SLC14A2: variants seen among roughly 807,000 people sequenced by gnomAD.
SLC14A2 encodes solute carrier family 14 member 2.
Under a neutral mutation model 104.6 loss-of-function variants are expected in SLC14A2, and 91 were observed. The ratio of observed to expected loss-of-function variants is 0.87; its 90% CI spans 0.73 to 1.04. SLC14A2 has a LOEUF of 1.04. Ranked by LOEUF, SLC14A2 falls within the 50% of genes least tolerant of loss-of-function variation. SLC14A2 has a pLI of 0.00. For missense variants in SLC14A2, 1,189 were observed against 1,156.0 expected (o/e 1.03, Z -0.41); for synonymous variants, 476 against 466.4 (o/e 1.02, Z -0.27).
intron 5 of SLC14A2, chr18:45,634,678 CGAT>C: frequency 2.7e-6 from 1 of 366,444 alleles, no homozygotes; most frequent in East Asian, 7.7e-5. Context: ...GGCAGGTACT[CGAT>C]GAGAGTCAGA....
chr18:45,563,762 G>A lies in SLC14A2; in HGVS notation c.-34-60869G>A, dbSNP rs150962929. On this transcript the variant is annotated intron_variant, in intron 2 of 20. Transcript: ENST00000586448. ...ATAGAGGGAATACAAAGATAATTCC[G>A]TCTATCTTCTAACAAGCTGATCAAA... Among the ~76,000 whole-genome samples, 86 of 152,146 alleles carry A rather than the reference G, an allele frequency of 5.7e-4. No individual in the cohort carries two copies. In the East Asian group the frequency reaches 7.9e-3, roughly 14 times the overall value.
At chr18:45,378,211 G>A (rs2085796064) in intron 1 of SLC14A2, among the ~76,000 whole-genome samples, 3 of 124,662 alleles carry the variant, frequency 2.4e-5, no homozygotes, top group Admixed American at 1.5e-4. Context: ...ATTCTCTGGA[G>A]TATTTAGCAT....
At chr18:45,170,240 C>A in the SLC14A2 span, among the ~76,000 whole-genome samples, 7 of 151,974 alleles carry the variant, frequency 4.6e-5, 1 homozygote, top group Admixed American at 3.3e-4. Context: ...TACAACTTCA[C>A]AGATGAGTGA....
At chr18:45,653,356 G>A (rs1481987533) in intron 10 of SLC14A2, among the ~76,000 whole-genome samples, 1 of 152,064 alleles carries the variant, frequency 6.6e-6, no homozygotes, top group Non-Finnish European at 1.5e-5. Flanking sequence ...CAGTGGGAAG[G>A]GGGCCTTTGA....
intron 11 of SLC14A2, among the ~76,000 whole-genome samples, chr18:45,665,220 G>A (rs1340295550): frequency 1.3e-5 from 2 of 152,138 alleles, no homozygotes; most frequent in African/African-American, 4.8e-5. Flanking sequence ...CATGAGTGCA[G>A]AACGGGGGAA....
chr18:45,415,316 A>G (rs1402131619), intron 1 of SLC14A2, among the ~76,000 whole-genome samples: 1 of 152,078 alleles, frequency 6.6e-6, no homozygotes, highest in Admixed American at 6.6e-5. Context: ...ACGACTGAGC[A>G]CTTCTGTATT....
At chr18:45,395,301 T>C (rs1428932926) in intron 1 of SLC14A2, among the ~76,000 whole-genome samples, 1 of 152,220 alleles carries the variant, frequency 6.6e-6, no homozygotes, top group Non-Finnish European at 1.5e-5. Flanking sequence ...CATTATGTGA[T>C]TCCATTTATA....
At chr18:45,253,902 T>G (rs895106296) in intron 1 of SLC14A2, among the ~76,000 whole-genome samples, 1 of 152,248 alleles carries the variant, frequency 6.6e-6, no homozygotes, top group African/African-American at 2.4e-5. Context: ...TTCTATTCTA[T>G]ATCTAGAAAG....
chr18:45,323,866 C>T (rs2085208668), intron 1 of SLC14A2, among the ~76,000 whole-genome samples: 1 of 152,182 alleles, frequency 6.6e-6, no homozygotes. Flanking sequence ...CACTAACAGA[C>T]ATTGAGAAGT....
At chr18:45,180,156 G>T in the SLC14A2 span, among the ~76,000 whole-genome samples, 1 of 151,904 alleles carries the variant, frequency 6.6e-6, no homozygotes. Context: ...CTGAAAAAGA[G>T]AAAAAAACAA....
At chr18:45,327,320 G>A (rs1440124707) in intron 1 of SLC14A2, among the ~76,000 whole-genome samples, 3 of 152,052 alleles carry the variant, frequency 2.0e-5, no homozygotes, top group Non-Finnish European at 4.4e-5. Context: ...CAATAGCCCA[G>A]TGCTTTTTTG....
intron 1 of SLC14A2, among the ~76,000 whole-genome samples, chr18:45,482,279 T>C (rs2087508743): frequency 6.6e-6 from 1 of 152,214 alleles, no homozygotes; most frequent in Non-Finnish European, 1.5e-5. Context: ...GAGTAAATTA[T>C]GGTACAGACA....
chr18:45,601,336 A>G (rs2044788887), intron 2 of SLC14A2, among the ~76,000 whole-genome samples: 1 of 152,212 alleles, frequency 6.6e-6, no homozygotes. Flanking sequence ...TTTAGTGTCT[A>G]GTGGGAGAAC....
chr18:45,662,515 G>A (rs984200097), intron 10 of SLC14A2, among the ~76,000 whole-genome samples: 1 of 152,140 alleles, frequency 6.6e-6, no homozygotes, highest in Admixed American at 6.6e-5. Context: ...CTGGGGTAGG[G>A]CCTGAGATTC....
chr18:45,585,634 G>A (rs1412738963), intron 2 of SLC14A2, among the ~76,000 whole-genome samples: 3 of 152,164 alleles, frequency 2.0e-5, no homozygotes, highest in Non-Finnish European at 4.4e-5. Context: ...TAGTTCCCCT[G>A]GAGCCCTGAG....
At chr18:45,228,662 T>G (rs561136639) in intron 1 of SLC14A2, among the ~76,000 whole-genome samples, 1 of 152,274 alleles carries the variant, frequency 6.6e-6, no homozygotes, top group East Asian at 1.9e-4. Flanking sequence ...GCAGGGAAAC[T>G]AAAAGTTTAG....
At chr18:45,349,778 G>A (rs1231146372) in intron 1 of SLC14A2, among the ~76,000 whole-genome samples, 3 of 152,188 alleles carry the variant, frequency 2.0e-5, no homozygotes, top group Admixed American at 6.5e-5. Flanking sequence ...GAAGTGGAAC[G>A]TAGATGAAGA....
chr18:45,619,602 A>G (rs1363193246), intron 1 of SLC14A2, among the ~76,000 whole-genome samples: 2 of 152,078 alleles, frequency 1.3e-5, no homozygotes, highest in Non-Finnish European at 2.9e-5. Context: ...GCAGCCAAGG[A>G]GAGTCTGAGT....
intron 2 of SLC14A2, among the ~76,000 whole-genome samples, chr18:45,491,772 C>T (rs2043006319): frequency 6.6e-6 from 1 of 152,012 alleles, no homozygotes; most frequent in Admixed American, 6.6e-5. Context: ...TGCTCATGCA[C>T]ACACACACAC....
Sources: gnomAD v4.1 joint callset for allele counts (sites outside exome capture counted in the v4.1 genomes callset) on GRCh38, gnomAD v4.1.1 for gene constraint, MANE v1.5 for transcripts, NCBI Gene and HGNC (gene_info 2026-07-23, HGNC 2026-07-21) for gene names.